ADORA2B: variants seen among roughly 807,000 people sequenced by gnomAD.
The protein encoded by ADORA2B is adenosine receptor A2b.
ADORA2B carries 18 observed loss-of-function variants against 20.8 expected under a neutral mutation model. That is an observed-to-expected ratio of 0.87 (90% CI 0.60 to 1.29). The LOEUF (loss-of-function observed/expected upper bound fraction) is 1.29. ADORA2B is among the 50% of genes most tolerant of loss of function. ADORA2B has a pLI of 0.00. For missense variants in ADORA2B, 441 were observed against 422.7 expected, an observed-to-expected ratio of 1.04 and a Z score of -0.38; for synonymous variants, 179 against 178.3, an observed-to-expected ratio of 1.00 and a Z score of -0.03.
At chr17:15,897,153 G>T in the ADORA2B span, among the ~76,000 whole-genome samples, 1 of 152,184 alleles carries the variant, frequency 6.6e-6, no homozygotes, top group African/African-American at 2.4e-5. Flanking sequence ...TTTCCAGAAT[G>T]ATGAAAGACA....
At chr17:15,918,800 C>T in the ADORA2B span, among the ~76,000 whole-genome samples, 1 of 152,138 alleles carries the variant, frequency 6.6e-6, no homozygotes, top group African/African-American at 2.4e-5. Context: ...GTAAGTACAC[C>T]TCCTGCAATA....
the ADORA2B span, among the ~76,000 whole-genome samples, chr17:15,923,580 G>A: frequency 3.4e-4 from 51 of 151,156 alleles, no homozygotes; most frequent in South Asian, 9.0e-3. Context: ...AATTTTTTTT[G>A]TATTTTTAGT....
chr17:15,892,877 C>A, the ADORA2B span, among the ~76,000 whole-genome samples: 1 of 152,088 alleles, frequency 6.6e-6, no homozygotes, highest in African/African-American at 2.4e-5. Context: ...ATGTTAGTAA[C>A]CAAGGCAAGG....
the ADORA2B span, chr17:15,850,733 C>G: frequency 6.1e-6 from 1 of 163,106 alleles, no homozygotes; most frequent in Non-Finnish European, 1.5e-5. Flanking sequence ...AGATGTTTTT[C>G]TTTATACATA....
the ADORA2B span, among the ~76,000 whole-genome samples, chr17:15,862,838 A>G: frequency 2.0e-5 from 3 of 146,514 alleles, no homozygotes; most frequent in Non-Finnish European, 3.0e-5. Flanking sequence ...ACAGAGTCTC[A>G]CTGCAACCTC....
At chr17:15,897,650 A>G in the ADORA2B span, among the ~76,000 whole-genome samples, 1 of 152,198 alleles carries the variant, frequency 6.6e-6, no homozygotes, top group Non-Finnish European at 1.5e-5. Flanking sequence ...AAAGGCTACA[A>G]TAGACAAGTC....
At chr17:15,858,723 C>A in the ADORA2B span, 50 of 155,684 alleles carry the variant, frequency 3.2e-4, no homozygotes, top group African/African-American at 1.2e-3. Flanking sequence ...CTGTTGCCCC[C>A]CTGGTTTTTA....
rs576520224 is a variant in ADORA2B, at chr17:15,974,404, C to G, written c.336-275C>G. The G allele has an allele frequency of 1.0e-5, 4 of 396,214 alleles. No individual in the cohort carries two copies. The East Asian group carries it at 1.7e-4, about 16-fold the overall frequency. 24.5% of individuals were successfully genotyped at this position (396,214 alleles called of 1,614,324 possible). On this transcript the variant is annotated intron_variant, in intron 1 of 1. Transcript: ENST00000304222. ...AGGACATTGAGGACTTACAGTACTC[C>G]CTTAAGGCTTCCCCACCTCTTGTCA...
At chr17:15,934,193 GAGATAA>G in the ADORA2B span, among the ~76,000 whole-genome samples, 2 of 152,078 alleles carry the variant, frequency 1.3e-5, no homozygotes, top group Admixed American at 6.6e-5. Context: ...TAGCATTCCT[GAGATAA>G]ATCCCACCTG....
intron 1 of ADORA2B, among the ~76,000 whole-genome samples, chr17:15,972,707 C>A (rs78804732): frequency 0.036 from 5,420 of 152,234 alleles, 134 homozygotes; most frequent in Non-Finnish European, 0.053. Flanking sequence ...GGACTAGGAT[C>A]TTGTCCCTTT....
chr17:15,973,061 G>C (rs1486506483), intron 1 of ADORA2B, among the ~76,000 whole-genome samples: 3 of 152,198 alleles, frequency 2.0e-5, no homozygotes, highest in African/African-American at 4.8e-5. Flanking sequence ...TCTGCTGCTA[G>C]TATTTCTCAG....
At chr17:15,969,322 T>C (rs142133082) in intron 1 of ADORA2B, among the ~76,000 whole-genome samples, 5,984 of 151,930 alleles carry the variant, frequency 0.039, 116 homozygotes, top group East Asian at 0.074. Context: ...GGTGTGGTGG[T>C]GGGCGCCTGT....
At chr17:15,924,528 G>A in the ADORA2B span, among the ~76,000 whole-genome samples, 1 of 152,004 alleles carries the variant, frequency 6.6e-6, no homozygotes, top group South Asian at 2.1e-4. Context: ...TCAGGAGATC[G>A]AGACCATCCT....
At chr17:15,899,844 T>A in the ADORA2B span, among the ~76,000 whole-genome samples, 1 of 152,012 alleles carries the variant, frequency 6.6e-6, no homozygotes, top group South Asian at 2.1e-4. Flanking sequence ...TTTTCTTTTT[T>A]TTTTTTGAGA....
At chr17:15,936,682 G>A in the ADORA2B span, among the ~76,000 whole-genome samples, 1 of 152,190 alleles carries the variant, frequency 6.6e-6, no homozygotes, top group Non-Finnish European at 1.5e-5. Flanking sequence ...GGCCTCAGGC[G>A]CAGTGGCTCA....
At chr17:15,936,541 A>G in the ADORA2B span, among the ~76,000 whole-genome samples, 7 of 151,792 alleles carry the variant, frequency 4.6e-5, no homozygotes, top group Non-Finnish European at 1.0e-4. Flanking sequence ...GCTGGTCTCA[A>G]ACTCCTGACC....
chr17:15,935,480 T>G, the ADORA2B span, among the ~76,000 whole-genome samples: 1 of 152,294 alleles, frequency 6.6e-6, no homozygotes, highest in East Asian at 1.9e-4. Flanking sequence ...CCCTGAAGAT[T>G]CTCTTTGACT....
At chr17:15,955,559 A>C (rs569862445) in intron 1 of ADORA2B, among the ~76,000 whole-genome samples, 1 of 151,854 alleles carries the variant, frequency 6.6e-6, no homozygotes, top group Admixed American at 6.5e-5. Flanking sequence ...GGCATGTACC[A>C]CCAAGTCCGG....
At chr17:15,883,742 G>GT in the ADORA2B span, among the ~76,000 whole-genome samples, 1 of 152,222 alleles carries the variant, frequency 6.6e-6, no homozygotes, top group Non-Finnish European at 1.5e-5. Context: ...GGCAGAATCC[G>GT]TCAAAATGAA....
Sources: allele counts gnomAD v4.1 joint callset (sites outside exome capture counted in the v4.1 genomes callset), GRCh38; gene constraint gnomAD v4.1.1; transcripts MANE v1.5; gene names NCBI Gene and HGNC (gene_info 2026-07-23, HGNC 2026-07-21).